GLIS3: variants seen among roughly 807,000 people sequenced by gnomAD.
GLIS3 encodes the protein GLIS family zinc finger 3, also known as zinc finger protein GLIS3.
A neutral mutation model predicts 78.6 loss-of-function variants in GLIS3; 53 were observed. That is an observed-to-expected ratio of 0.67 (90% CI 0.54 to 0.85). The LOEUF (loss-of-function observed/expected upper bound fraction) is 0.85, where lower values mean the gene tolerates loss of function less well. Among genes scored for constraint, GLIS3 ranks in the 40% least tolerant of loss-of-function variants. The probability of loss-of-function intolerance (pLI) is 0.00; values close to 1 mark genes in which losing one functional copy is unlikely to be tolerated. For synonymous variants in GLIS3, 684 were observed against 509.9 expected (o/e 1.34, Z -4.60); for missense variants, 1,703 against 1,231.1 (o/e 1.38, Z -5.74).
intron 8 of GLIS3, among the ~76,000 whole-genome samples, chr9:3,875,034 A>C (rs1341043713): frequency 6.6e-6 from 1 of 152,178 alleles, no homozygotes; most frequent in East Asian, 1.9e-4. Flanking sequence ...TTATTCTTGG[A>C]ATTGTAAAAT....
the GLIS3 span, among the ~76,000 whole-genome samples, chr9:4,433,107 C>G: frequency 6.6e-6 from 1 of 152,278 alleles, no homozygotes; most frequent in Non-Finnish European, 1.5e-5. Flanking sequence ...AGTTATCGAG[C>G]TATATAAATG....
chr9:4,319,939 T>C (rs554015883), intron 2 of GLIS3, among the ~76,000 whole-genome samples: 1 of 152,298 alleles, frequency 6.6e-6, no homozygotes, highest in African/African-American at 2.4e-5. Context: ...ATTTGTTTTG[T>C]TCGGCCTATA....
chr9:4,300,794 T>C (rs4741941), upstream of GLIS3, among the ~76,000 whole-genome samples: 4,251 of 151,966 alleles, frequency 0.028, 147 homozygotes, highest in Admixed American at 0.098. Flanking sequence ...CTCCTAGTAG[T>C]TCATCACATG....
In GLIS3 at chr9:3,855,836, G is replaced by A. The variant is rs543611126; in HGVS notation, c.2473+173C>T. ...CATACCATCATCAGGCCAAAGTCAG[G>A]AAAATACCATAGGATTTCATGCCTA... On this transcript the variant is annotated intron_variant, in intron 9 of 10. Coordinates refer to ENST00000381971, the MANE Select transcript of GLIS3 (RefSeq NM_001042413.2). The A allele has an allele frequency of 9.6e-5, 70 of 731,868 alleles. No homozygotes were observed. In the African/African-American group the frequency reaches 1.0e-3, roughly 11 times the overall value. 45.3% of individuals were successfully genotyped at this position (731,868 alleles called of 1,614,324 possible).
At position 4,117,961 on chromosome 9, in the gene GLIS3, T is replaced by A; in HGVS notation, c.1517A>T (p.Asp506Val). ...CTGCTGGTCGTACAGGGCGCTGCAGTCGATCCAGCGGCAGCAATGCTTGCC... is the reference window on the plus strand; with the variant it reads ...CTGCTGGTCGTACAGGGCGCTGCAGACGATCCAGCGGCAGCAATGCTTGCC... ...IGGKHCCRWI[D>V]CSALYDQQEE... Residue 506 changes from aspartate (D) to valine (V), a missense_variant, in exon 4 of 11, where the codon GAC becomes GTC. Transcript: ENST00000381971. The A allele has an allele frequency of 1.6e-5, 26 of 1,613,840 alleles. No individual in the cohort carries two copies. Among genetic ancestry groups the A allele is most frequent in the Non-Finnish European group, 2.2e-5 (26 of 1,179,950 alleles).
chr9:3,859,992 G>T (rs1256972203), intron 8 of GLIS3, among the ~76,000 whole-genome samples: 1 of 152,112 alleles, frequency 6.6e-6, no homozygotes, highest in Non-Finnish European at 1.5e-5. Context: ...AATCCTCTGG[G>T]GGGCCAAGCG....
At chr9:3,972,076 T>C (rs1818422102) in intron 4 of GLIS3, among the ~76,000 whole-genome samples, 1 of 152,202 alleles carries the variant, frequency 6.6e-6, no homozygotes, top group African/African-American at 2.4e-5. Context: ...TTCGTATCTC[T>C]ACTAGTTTTC....
chr9:3,979,391 A>G (rs1230526229), intron 4 of GLIS3, among the ~76,000 whole-genome samples: 1 of 152,222 alleles, frequency 6.6e-6, no homozygotes, highest in Non-Finnish European at 1.5e-5. Flanking sequence ...AACATCCTTC[A>G]TGTTGTCTTA....
At chr9:4,390,764 G>A in the GLIS3 span, among the ~76,000 whole-genome samples, 1 of 152,060 alleles carries the variant, frequency 6.6e-6, no homozygotes, top group African/African-American at 2.4e-5. Flanking sequence ...TATACAATGG[G>A]GCTACCTCTC....
At chr9:4,305,520 T>C (rs1361095978) in intron 4 of GLIS3, 1 of 152,278 alleles carries the variant, frequency 6.6e-6, no homozygotes, top group Non-Finnish European at 1.5e-5. Flanking sequence ...ATGGGCTCGA[T>C]GATTCAGAGA....
chr9:4,296,225 G>GA (rs1257744223), intron 1 of GLIS3, among the ~76,000 whole-genome samples: 9 of 148,484 alleles, frequency 6.1e-5, no homozygotes, highest in Non-Finnish European at 8.9e-5. Flanking sequence ...TATAATATGA[G>GA]AGAGACAACA....
At chr9:4,475,907 T>C in the GLIS3 span, among the ~76,000 whole-genome samples, 1 of 152,222 alleles carries the variant, frequency 6.6e-6, no homozygotes, top group East Asian at 1.9e-4. Context: ...CAGTTTCTTG[T>C]TTGTCTGTTT....
intron 6 of GLIS3, among the ~76,000 whole-genome samples, chr9:3,916,731 A>G (rs899463698): frequency 2.0e-5 from 3 of 152,082 alleles, no homozygotes; most frequent in African/African-American, 7.2e-5. Flanking sequence ...TGCCATGGCT[A>G]CTGTTCACTG....
At chr9:3,936,626 A>T in intron 5 of GLIS3, among the ~76,000 whole-genome samples, 1 of 152,120 alleles carries the variant, frequency 6.6e-6, no homozygotes, top group East Asian at 1.9e-4. Flanking sequence ...AAAAAAACAA[A>T]GAAAAACAAA....
intron 4 of GLIS3, among the ~76,000 whole-genome samples, chr9:4,037,655 G>T (rs1217651430): frequency 6.6e-6 from 1 of 151,864 alleles, no homozygotes; most frequent in East Asian, 1.9e-4. Context: ...AGCACTAGGA[G>T]ATAAATTTCT....
At chr9:3,971,175 G>A (rs1818357206) in intron 4 of GLIS3, among the ~76,000 whole-genome samples, 1 of 152,162 alleles carries the variant, frequency 6.6e-6, no homozygotes, top group Non-Finnish European at 1.5e-5. Context: ...AAAGAATGGA[G>A]CAATGGCAAG....
At chr9:4,097,962 G>T (rs1001747523) in intron 4 of GLIS3, among the ~76,000 whole-genome samples, 1 of 152,022 alleles carries the variant, frequency 6.6e-6, no homozygotes, top group Admixed American at 6.6e-5. Context: ...GTCTATTTTG[G>T]TATTTGTCAT....
At chr9:4,379,923 CA>C in the GLIS3 span, among the ~76,000 whole-genome samples, 8 of 149,648 alleles carry the variant, frequency 5.3e-5, no homozygotes, top group South Asian at 4.2e-4. Context: ...GACATCAAAC[CA>C]AAAAAAAAGG....
chr9:4,459,899 G>A, the GLIS3 span, among the ~76,000 whole-genome samples: 2 of 152,248 alleles, frequency 1.3e-5, no homozygotes, highest in Non-Finnish European at 2.9e-5. Flanking sequence ...GGAGAAAAAT[G>A]AAGCCTGGGA....
Sources: gnomAD v4.1 joint callset for allele counts (sites outside exome capture counted in the v4.1 genomes callset) on GRCh38, gnomAD v4.1.1 for gene constraint, MANE v1.5 for transcripts, NCBI Gene and HGNC (gene_info 2026-07-23, HGNC 2026-07-21) for gene names.